COL14A1: variants seen among roughly 807,000 people sequenced by gnomAD.
COL14A1 encodes collagen alpha-1(XIV) chain.
Under a neutral mutation model 230.3 loss-of-function variants are expected in COL14A1, and 136 were observed. The observed-to-expected ratio is 0.59, with a 90% confidence interval of 0.51 to 0.68. The LOEUF (loss-of-function observed/expected upper bound fraction) is 0.68. Ranked by LOEUF, COL14A1 falls within the 30% of genes least tolerant of loss-of-function variation. The pLI is 0.00. For synonymous variants in COL14A1, 792 were observed against 784.1 expected, an observed-to-expected ratio of 1.01 and a Z score of -0.17; for missense variants, 1,976 against 2,215.8, an observed-to-expected ratio of 0.89 and a Z score of 2.17.
chr8:120,322,501 A>G (rs981046258), intron 40 of COL14A1, among the ~76,000 whole-genome samples: 5 of 152,196 alleles, frequency 3.3e-5, no homozygotes, highest in African/African-American at 4.8e-5. Flanking sequence ...TAAGCTATTA[A>G]GCCTAGTATA....
At chr8:120,307,850 TATG>T in intron 36 of COL14A1, among the ~76,000 whole-genome samples, 1 of 152,230 alleles carries the variant, frequency 6.6e-6, no homozygotes, top group South Asian at 2.1e-4. Context: ...TAGAGTACAA[TATG>T]ATAATATATC....
chr8:120,260,189 C>A (rs1178786837), intron 23 of COL14A1, among the ~76,000 whole-genome samples: 3 of 152,016 alleles, frequency 2.0e-5, no homozygotes, highest in Non-Finnish European at 4.4e-5. Flanking sequence ...TTCTATTTAA[C>A]AAATAGCTTT....
intron 25 of COL14A1, among the ~76,000 whole-genome samples, chr8:120,267,277 C>T (rs949017558): frequency 6.6e-6 from 1 of 151,890 alleles, no homozygotes; most frequent in African/African-American, 2.4e-5. Context: ...AGTTCCTCAT[C>T]ACCTTTTACC....
At chr8:120,331,457 GC>G (rs1821862118) in intron 40 of COL14A1, among the ~76,000 whole-genome samples, 1 of 152,158 alleles carries the variant, frequency 6.6e-6, no homozygotes, top group Non-Finnish European at 1.5e-5. Flanking sequence ...AGTCATCCCA[GC>G]TTTTGTAGTT....
chr8:120,208,528 A>T (rs1302086013), intron 11 of COL14A1, among the ~76,000 whole-genome samples, 167 bp downstream of exon 11: 1 of 152,134 alleles, frequency 6.6e-6, no homozygotes, highest in Non-Finnish European at 1.5e-5. Flanking sequence ...TCCATGCTTG[A>T]TATAGTCTTG....
At chr8:120,367,094 G>C in intron 45 of COL14A1, 77 bp from the exon 46 acceptor site, 1 of 1,229,404 alleles carries the variant, frequency 8.1e-7, no homozygotes, top group South Asian at 1.5e-5. Context: ...AAGCACTTTC[G>C]AACTCCAGAA....
In COL14A1 at chr8:120,370,539, C is replaced by T. The variant is rs943014150; in HGVS notation, c.5312-613C>T. 3 of 1,472,984 alleles carry T rather than the reference C, an allele frequency of 2.0e-6. No homozygotes were observed. In the African/African-American group the frequency reaches 4.2e-5, roughly 21 times the overall value. The allele number at this position is 1,472,984 out of a possible 1,614,324, so 91.2% of individuals were successfully genotyped here. A position where few individuals can be genotyped will look rare whatever the true frequency, so the allele number is the denominator to read the frequency against. Reference sequence around the variant, plus strand: ...ACTTTCAAACCTCTTGCCCACTCTGCTCCAAACATGATGGAGTGATAACAT... The same window carrying T: ...ACTTTCAAACCTCTTGCCCACTCTGTTCCAAACATGATGGAGTGATAACAT... On this transcript the variant is annotated intron_variant, in intron 47 of 47. Transcript: ENST00000297848.
intron 23 of COL14A1, among the ~76,000 whole-genome samples, chr8:120,261,430 T>C (rs1234179591): frequency 6.6e-6 from 1 of 152,216 alleles, no homozygotes; most frequent in Admixed American, 6.5e-5. Flanking sequence ...TGGCTATTAT[T>C]ATCTTTATTG....
chr8:120,300,062 C>T (rs1436354589), intron 35 of COL14A1, among the ~76,000 whole-genome samples: 1 of 152,134 alleles, frequency 6.6e-6, no homozygotes, highest in East Asian at 1.9e-4. Flanking sequence ...TCTTCCTCTG[C>T]ATTCCAGTAA....
intron 23 of COL14A1, among the ~76,000 whole-genome samples, chr8:120,257,360 A>T (rs779766523): frequency 5.9e-5 from 9 of 152,248 alleles, no homozygotes; most frequent in Non-Finnish European, 5.9e-5. Context: ...GCCACATTTC[A>T]TTCACACAGT....
At chr8:120,347,850 T>C (rs1340787595) in intron 45 of COL14A1, among the ~76,000 whole-genome samples, 1 of 152,082 alleles carries the variant, frequency 6.6e-6, no homozygotes, top group African/African-American at 2.4e-5. Context: ...AATATTGTAA[T>C]GAGTAAAAAT....
intron 1 of COL14A1, among the ~76,000 whole-genome samples, chr8:120,129,196 A>G (rs1485252680): frequency 6.6e-6 from 1 of 152,206 alleles, no homozygotes; most frequent in Non-Finnish European, 1.5e-5. Flanking sequence ...GTAGTGTTCA[A>G]TGCTGCAGAA....
chr8:120,348,870 A>G (rs1296559325), intron 45 of COL14A1, among the ~76,000 whole-genome samples: 3 of 152,228 alleles, frequency 2.0e-5, no homozygotes, highest in Non-Finnish European at 4.4e-5. Flanking sequence ...AACTGGGACA[A>G]AAGAAATTAT....
chr8:120,355,595 T>A (rs1428865301), intron 45 of COL14A1, among the ~76,000 whole-genome samples: 2 of 151,946 alleles, frequency 1.3e-5, no homozygotes, highest in South Asian at 2.1e-4. Context: ...GTATTTTTAG[T>A]AGAGACGGGG....
chr8:120,333,277 T>C (rs1821933179), intron 42 of COL14A1, among the ~76,000 whole-genome samples: 1 of 152,198 alleles, frequency 6.6e-6, no homozygotes, highest in Non-Finnish European at 1.5e-5. Context: ...TGTTTAAATG[T>C]GATCAATGGG....
rs1812180977 is a variant in COL14A1, at chr8:120,372,130, T to C, written c.*899T>C. 6.6e-6 allele frequency: 1 copy of C among 152,522 alleles called. No individual in the cohort carries two copies. Among genetic ancestry groups the C allele is most frequent in the Non-Finnish European group, 1.5e-5 (1 of 68,260 alleles). 9.4% of individuals were successfully genotyped at this position (152,522 alleles called of 1,614,324 possible). A position where few individuals can be genotyped will look rare whatever the true frequency, so the allele number is the denominator to read the frequency against. ...CCAGAAAGACAACAGTTGTCTTCCT[T>C]TAGGTAAGCATTCAAACTTTCATTC... On this transcript the variant is annotated 3_prime_UTR_variant, in exon 48 of 48. Coordinates refer to ENST00000297848, the MANE Select transcript of COL14A1 (RefSeq NM_021110.4).
intron 20 of COL14A1, 138 bp from the exon 21 acceptor site, chr8:120,247,475 T>G: frequency 1.2e-5 from 9 of 745,204 alleles, no homozygotes; most frequent in East Asian, 3.1e-5. Context: ...AGGCTTCTCA[T>G]TGTGTGTTTC....
At chr8:120,344,721 TCTC>T (rs1206259866) in intron 44 of COL14A1, among the ~76,000 whole-genome samples, 1 of 152,232 alleles carries the variant, frequency 6.6e-6, no homozygotes, top group Non-Finnish European at 1.5e-5. Flanking sequence ...GGAAAACTCC[TCTC>T]CTAATGATGT....
At chr8:120,235,447 G>T (rs970614764) in intron 19 of COL14A1, among the ~76,000 whole-genome samples, 1 of 152,110 alleles carries the variant, frequency 6.6e-6, no homozygotes, top group Non-Finnish European at 1.5e-5. Context: ...GGGATTACAG[G>T]CATGCACCAC....
Sources: allele counts gnomAD v4.1 joint callset (sites outside exome capture counted in the v4.1 genomes callset), GRCh38; gene constraint gnomAD v4.1.1; transcripts MANE v1.5; gene names NCBI Gene and HGNC (gene_info 2026-07-23, HGNC 2026-07-21).